The following STYXL1 variants were observed in gnomAD, a reference collection of about 807,000 sequenced individuals.
STYXL1 encodes the protein serine/threonine/tyrosine interacting like 1, also known as serine/threonine/tyrosine-interacting-like protein 1.
A neutral mutation model predicts 36.4 loss-of-function variants in STYXL1; 32 were observed. The observed-to-expected ratio is 0.88, with a 90% confidence interval of 0.66 to 1.18. The LOEUF (loss-of-function observed/expected upper bound fraction) is 1.18, where lower values mean the gene tolerates loss of function less well. STYXL1 is among the 50% of genes most tolerant of loss of function. The probability of loss-of-function intolerance (pLI) is 0.00; values close to 1 mark genes in which losing one functional copy is unlikely to be tolerated. For synonymous variants in STYXL1, 133 were observed against 144.1 expected (o/e 0.92, Z 0.55); for missense variants, 354 against 394.1 (o/e 0.90, Z 0.86).
intron 5 of STYXL1, among the ~76,000 whole-genome samples, chr7:76,010,063 G>A (rs1181728472): frequency 6.6e-6 from 1 of 152,166 alleles, no homozygotes; most frequent in Non-Finnish European, 1.5e-5. Flanking sequence ...CTTCAGAAAT[G>A]AGGAGGTGGC....
At chr7:76,027,000 T>G (rs1585288045) in intron 3 of STYXL1, among the ~76,000 whole-genome samples, 1 of 151,702 alleles carries the variant, frequency 6.6e-6, no homozygotes, top group Non-Finnish European at 1.5e-5. Flanking sequence ...GAGGCAGAGG[T>G]TGCAGTGAGC....
At position 76,000,988 on chromosome 7, in the gene STYXL1, G is replaced by A. The variant is rs1790844458; in HGVS notation, c.712C>T (p.Leu238Phe). The A allele has an allele frequency of 6.2e-7, 1 of 1,613,966 alleles. No homozygotes were observed. Among genetic ancestry groups the A allele is most frequent in the African/African-American group, 1.3e-5 (1 of 74,944 alleles). ...MCHFIEIHHHLGSVILIFSTQ... is the reference protein window; with the variant it reads ...MCHFIEIHHHFGSVILIFSTQ... ...GAAAAGATCAGAATGACAGAGCCAA[G>A]GTGATGGTGAATTTCTGCAAAAAGA... Residue 238 changes from leucine to phenylalanine, a missense_variant, in exon 8 of 9, where the codon CTT becomes TTT. By Grantham distance (22) the Leu-to-Phe change is conservative (BLOSUM62 0). Transcript: ENST00000359697.
intron 4 of STYXL1, among the ~76,000 whole-genome samples, chr7:76,018,648 T>G (rs782059776): frequency 6.6e-5 from 10 of 152,068 alleles, no homozygotes; most frequent in Non-Finnish European, 1.0e-4. Flanking sequence ...GCCTTGGCCT[T>G]CCAAAGTGCT....
intron 3 of STYXL1, among the ~76,000 whole-genome samples, chr7:76,024,904 GTA>G (rs1794493191): frequency 7.4e-6 from 1 of 135,860 alleles, no homozygotes. Context: ...AGCCAAGATC[GTA>G]CCACTGCACT....
intron 5 of STYXL1, among the ~76,000 whole-genome samples, chr7:76,008,678 C>T (rs1792144113): frequency 6.6e-6 from 1 of 152,138 alleles, no homozygotes; most frequent in Non-Finnish European, 1.5e-5. Flanking sequence ...TTGCTGGTGC[C>T]AAATGAAATC....
intron 8 of STYXL1, chr7:75,999,142 A>AT (rs781995609): frequency 0.26 from 40,543 of 153,054 alleles, 6,942 homozygotes; most frequent in Non-Finnish European, 0.38. Context: ...CGTCTCAAAA[A>AT]AAAATAAATA....
chr7:76,028,547 C>T, intron 3 of STYXL1, 95 bp downstream of exon 3: 2 of 1,172,248 alleles, frequency 1.7e-6, no homozygotes, highest in Non-Finnish European at 2.5e-6. Context: ...AGTCCTGCTT[C>T]TGCTGCCCGC....
chr7:76,038,406 T>C (rs911122873), intron 1 of STYXL1, among the ~76,000 whole-genome samples: 8 of 137,160 alleles, frequency 5.8e-5, no homozygotes, highest in Admixed American at 1.5e-4. Flanking sequence ...TGCTTTATGT[T>C]TGGGAATTGA....
chr7:76,005,923 GGAGGAGGTGGAGGAGGAGA>G (rs1791703295), intron 5 of STYXL1, among the ~76,000 whole-genome samples: 1 of 148,860 alleles, frequency 6.7e-6, no homozygotes, highest in African/African-American at 2.5e-5. Flanking sequence ...GGAGGAGGAG[GGAGGAGGTGGAGGAGGAGA>G]GAGGAGGTTT....
intron 1 of STYXL1, among the ~76,000 whole-genome samples, chr7:76,040,682 C>G (rs1450648719): frequency 6.6e-6 from 1 of 151,878 alleles, no homozygotes; most frequent in African/African-American, 2.4e-5. Context: ...ACTAAAAATA[C>G]AAAATTAGCC....
intron 1 of STYXL1, among the ~76,000 whole-genome samples, chr7:76,042,020 C>T (rs947604049): frequency 2.6e-5 from 4 of 152,138 alleles, no homozygotes; most frequent in African/African-American, 7.2e-5. Context: ...ATTCCCTTGT[C>T]GAGATTGATG....
At chr7:76,026,830 C>T (rs1445246763) in intron 3 of STYXL1, among the ~76,000 whole-genome samples, 2 of 152,146 alleles carry the variant, frequency 1.3e-5, no homozygotes, top group African/African-American at 2.4e-5. Context: ...AGGCAGATAA[C>T]GAGGTCAGGA....
chr7:76,032,289 A>G (rs1432904660), intron 1 of STYXL1, among the ~76,000 whole-genome samples: 1 of 151,774 alleles, frequency 6.6e-6, no homozygotes, highest in Non-Finnish European at 1.5e-5. Context: ...GGCCCCAGCA[A>G]CTCAGGAGGC....
At chr7:76,030,850 TAAA>T (rs1160725857) in intron 1 of STYXL1, among the ~76,000 whole-genome samples, 11 of 57,082 alleles carry the variant, frequency 1.9e-4, no homozygotes, top group Non-Finnish European at 2.9e-4. Flanking sequence ...CCATCTCTAC[TAAA>T]AAAAAAAAAA....
intron 4 of STYXL1, among the ~76,000 whole-genome samples, chr7:76,017,866 C>CAAAAA (rs71082374): frequency 0.012 from 123 of 10,364 alleles, 28 homozygotes; most frequent in South Asian, 0.12. Flanking sequence ...AACTCCATCT[C>CAAAAA]AAAAAAAAAA....
chr7:75,998,191 C>T lies in STYXL1; in HGVS notation c.811-1592G>A, dbSNP rs137928549. Among the ~76,000 whole-genome samples, 5 of 152,158 alleles carry T rather than the reference C, an allele frequency of 3.3e-5. No individual in the cohort carries two copies. In the East Asian group the frequency reaches 7.7e-4, roughly 23 times the overall value. On this transcript the variant is annotated intron_variant, in intron 8 of 8. Coordinates refer to ENST00000359697, the MANE Select transcript of STYXL1 (RefSeq NM_001317785.2). The stretch of plus-strand genomic sequence containing the variant: ...TTCCTGATTTCAAACCTTAGTCTAA[C>T]AAAACTACAGTAATCAAAACAGTAT...
intron 4 of STYXL1, among the ~76,000 whole-genome samples, chr7:76,015,884 T>C (rs1449023557): frequency 6.6e-6 from 1 of 152,108 alleles, no homozygotes; most frequent in Non-Finnish European, 1.5e-5. Flanking sequence ...CAGAAATACA[T>C]GAAAACACTA....
chr7:76,027,122 T>C (rs1794807155), intron 3 of STYXL1, among the ~76,000 whole-genome samples: 2 of 150,664 alleles, frequency 1.3e-5, no homozygotes, highest in African/African-American at 4.9e-5. Context: ...AACCTCCAAG[T>C]TCAGGGCAGA....
chr7:76,043,217 C>A (rs977007021), intron 1 of STYXL1, among the ~76,000 whole-genome samples: 1 of 152,150 alleles, frequency 6.6e-6, no homozygotes, highest in African/African-American at 2.4e-5. Flanking sequence ...TCTCGGCTCA[C>A]TGCAACCTCT....
Sources: allele counts gnomAD v4.1 joint callset (sites outside exome capture counted in the v4.1 genomes callset), GRCh38; gene constraint gnomAD v4.1.1; transcripts MANE v1.5; gene names NCBI Gene and HGNC (gene_info 2026-07-23, HGNC 2026-07-21).